MTMR7: variants seen among roughly 807,000 people sequenced by gnomAD.
The protein encoded by MTMR7 is myotubularin related protein 7.
In MTMR7, 76 loss-of-function variants were observed where a neutral mutation model predicts 81.2. The ratio of observed to expected loss-of-function variants is 0.94; its 90% CI spans 0.78 to 1.13. The LOEUF (loss-of-function observed/expected upper bound fraction) is 1.13, where lower values mean the gene tolerates loss of function less well. MTMR7 is among the 50% of genes most tolerant of loss of function. The pLI is 0.00. For missense variants in MTMR7, 1,044 were observed against 820.0 expected, an observed-to-expected ratio of 1.27 and a Z score of -3.34; for synonymous variants, 372 against 289.8, an observed-to-expected ratio of 1.28 and a Z score of -2.88.
intron 6 of MTMR7, among the ~76,000 whole-genome samples, chr8:17,340,211 C>T (rs1819364012): frequency 6.6e-6 from 1 of 152,244 alleles, no homozygotes; most frequent in Non-Finnish European, 1.5e-5. Flanking sequence ...CCTTCGCCTC[C>T]CAAAGTGCTG....
At chr8:17,385,417 T>A (rs1444485893) in intron 1 of MTMR7, among the ~76,000 whole-genome samples, 33 of 152,188 alleles carry the variant, frequency 2.2e-4, no homozygotes, top group Admixed American at 2.2e-3. Context: ...TGGACTGTTC[T>A]CGTGATAGTG....
intron 7 of MTMR7, among the ~76,000 whole-genome samples, chr8:17,318,887 C>A (rs1231253717): frequency 6.6e-6 from 1 of 152,166 alleles, no homozygotes; most frequent in Admixed American, 6.5e-5. Flanking sequence ...TCTGCTCTTC[C>A]AGGCACCCAG....
chr8:17,315,169 G>T (rs1450867780), intron 7 of MTMR7, among the ~76,000 whole-genome samples: 1 of 152,168 alleles, frequency 6.6e-6, no homozygotes, highest in Non-Finnish European at 1.5e-5. Context: ...GTGATAAAAG[G>T]AGATGAGCTA....
chr8:17,382,214 G>A (rs904835319), intron 1 of MTMR7, among the ~76,000 whole-genome samples: 1 of 152,198 alleles, frequency 6.6e-6, no homozygotes, highest in Non-Finnish European at 1.5e-5. Context: ...AGCTGGCCCA[G>A]AGGCTGCACT....
At chr8:17,371,299 T>A in intron 2 of MTMR7, 100 bp from the exon 3 acceptor site, 1 of 1,333,484 alleles carries the variant, frequency 7.5e-7, no homozygotes, top group Non-Finnish European at 1.0e-6. Context: ...CAAGAAACGC[T>A]CCCCAACCTC....
chr8:17,396,189 C>T lies in MTMR7; in HGVS notation c.24+17080G>A, dbSNP rs182813182. On this transcript the variant is annotated intron_variant, in intron 1 of 13. Coordinates refer to ENST00000180173, the MANE Select transcript of MTMR7 (RefSeq NM_004686.5). ...AAGAGAGATGACCAAATAGAAGCCT[C>T]CACAGATCATCCTGCCTGCAAGAAC... Among the ~76,000 whole-genome samples the T allele has an allele frequency of 3.3e-5, 5 of 152,074 alleles. No homozygotes were observed. In the East Asian group the frequency reaches 9.7e-4, roughly 29 times the overall value.
At chr8:17,390,925 T>C (rs1821087852) in intron 1 of MTMR7, among the ~76,000 whole-genome samples, 1 of 152,150 alleles carries the variant, frequency 6.6e-6, no homozygotes, top group Non-Finnish European at 1.5e-5. Flanking sequence ...CAATCCAAGA[T>C]GGGATTTGGG....
chr8:17,391,386 A>G (rs190129576), intron 1 of MTMR7, among the ~76,000 whole-genome samples: 14 of 152,276 alleles, frequency 9.2e-5, no homozygotes, highest in Admixed American at 7.8e-4. Flanking sequence ...AAGAACTGCA[A>G]TATTATTTTT....
intron 4 of MTMR7, among the ~76,000 whole-genome samples, chr8:17,352,041 G>GCAAT (rs1407951670): frequency 6.6e-6 from 1 of 152,110 alleles, no homozygotes; most frequent in African/African-American, 2.4e-5. Flanking sequence ...CAACCACAAG[G>GCAAT]CAATCCCTAT....
chr8:17,395,994 T>C (rs1821234645), intron 1 of MTMR7, among the ~76,000 whole-genome samples: 1 of 151,866 alleles, frequency 6.6e-6, no homozygotes, highest in African/African-American at 2.4e-5. Context: ...TAGGGGAAGG[T>C]GACAAAGAAC....
At chr8:17,343,921 T>C (rs1819477329) in intron 5 of MTMR7, among the ~76,000 whole-genome samples, 2 of 152,200 alleles carry the variant, frequency 1.3e-5, no homozygotes, top group African/African-American at 2.4e-5. Context: ...GCAGCATTTC[T>C]TACTGATGTC....
chr8:17,373,339 A>T, intron 1 of MTMR7, 99 bp from the exon 2 acceptor site: 1 of 1,394,238 alleles, frequency 7.2e-7, no homozygotes, highest in Non-Finnish European at 9.5e-7. Flanking sequence ...TCCAAAATAC[A>T]ATTTTTTGAG....
chr8:17,330,177 C>G (rs1380053950), intron 7 of MTMR7, among the ~76,000 whole-genome samples: 1 of 152,220 alleles, frequency 6.6e-6, no homozygotes, highest in African/African-American at 2.4e-5. Context: ...TTAGGGTGTT[C>G]TGATTAAACG....
chr8:17,361,517 G>C (rs1474926168), intron 3 of MTMR7, among the ~76,000 whole-genome samples: 1 of 152,134 alleles, frequency 6.6e-6, no homozygotes, highest in East Asian at 1.9e-4. Flanking sequence ...TTAGAACACA[G>C]GGACATCTCC....
At position 17,413,278 on chromosome 8, in the gene MTMR7, A is replaced by T. The variant is rs67972978; in HGVS notation, c.15T>A (p.Arg5=). 15 of 1,547,776 alleles carry T rather than the reference A, an allele frequency of 9.7e-6. No homozygotes were observed. In the South Asian group the frequency reaches 1.3e-4, roughly 14 times the overall value. Residue 5 remains arginine (R), a synonymous_variant, in exon 1 of 14, where the codon CGT becomes CGA. Transcript: ENST00000180173. ...CGCTGGTGTCACCAACCTTGGGCGT[A>T]CGGATGTGCTCCATGGCTGGCCCAC... is the stretch of plus-strand genomic sequence containing the variant. MEHI[R]TPKVENVRLV...
intron 1 of MTMR7, among the ~76,000 whole-genome samples, chr8:17,410,671 A>AT (rs1821713696): frequency 6.6e-6 from 1 of 152,198 alleles, no homozygotes; most frequent in Admixed American, 6.5e-5. Context: ...TTAAACATAC[A>AT]TGCACCCCTA....
intron 1 of MTMR7, among the ~76,000 whole-genome samples, chr8:17,408,874 A>G (rs1002806314): frequency 6.6e-6 from 1 of 152,190 alleles, no homozygotes; most frequent in African/African-American, 2.4e-5. Context: ...GGGTGACAAA[A>G]GTGTTCTAGA....
At chr8:17,361,460 A>T (rs1212430683) in intron 3 of MTMR7, among the ~76,000 whole-genome samples, 186 bp from the exon 4 acceptor site, 1 of 152,164 alleles carries the variant, frequency 6.6e-6, no homozygotes, top group Non-Finnish European at 1.5e-5. Context: ...CAATGACAAG[A>T]TGACCTTGGG....
chr8:17,341,072 C>G (rs1332061347), intron 6 of MTMR7, among the ~76,000 whole-genome samples: 1 of 152,208 alleles, frequency 6.6e-6, no homozygotes, highest in Admixed American at 6.5e-5. Context: ...ATACGGTATA[C>G]TTAGGAGCAC....
Sources: allele counts gnomAD v4.1 joint callset (sites outside exome capture counted in the v4.1 genomes callset), GRCh38; gene constraint gnomAD v4.1.1; transcripts MANE v1.5; gene names NCBI Gene and HGNC (gene_info 2026-07-23, HGNC 2026-07-21).